Variants in ZNF805 observed in about 807,000 individuals in gnomAD.
ZNF805 encodes the protein CTC-444N24.8.
In ZNF805, 7 loss-of-function variants were observed where a neutral mutation model predicts 13.6. The ratio of observed to expected loss-of-function variants is 0.51; its 90% CI spans 0.29 to 0.97. ZNF805 has a LOEUF of 0.97. Among genes scored for constraint, ZNF805 ranks in the 50% least tolerant of loss-of-function variants. The probability of loss-of-function intolerance (pLI) is 0.08; values close to 1 mark genes in which losing one functional copy is unlikely to be tolerated. For missense variants in ZNF805, 604 were observed against 771.0 expected (o/e 0.78, Z 2.57); for synonymous variants, 293 against 279.8 (o/e 1.05, Z -0.47).
intron 2 of ZNF805, among the ~76,000 whole-genome samples, chr19:57,248,006 G>A (rs574809138): frequency 3.9e-5 from 6 of 152,254 alleles, no homozygotes; most frequent in South Asian, 4.1e-4. Flanking sequence ...CAGGAATTCA[G>A]GACTAGCCTG....
At position 57,249,911 on chromosome 19, in the gene ZNF805, T is replaced by G. The variant is rs965222785; in HGVS notation, c.253+1211T>G. On this transcript the variant is annotated intron_variant, in intron 3 of 3. Coordinates refer to ENST00000414468, the MANE Select transcript of ZNF805 (RefSeq NM_001023563.4). The stretch of plus-strand genomic sequence containing the variant: ...AGCTGCTCATCCAACCCTGAGTGTC[T>G]GTGCAGTCCCTGTTCAGCCCTTCAG... 1.2e-4 allele frequency among the ~76,000 whole-genome samples: 18 copies of G among 151,280 alleles called. 1 individual carries two copies. Among genetic ancestry groups the G allele is most frequent in the South Asian group, 4.2e-4 (2 of 4,732 alleles).
intron 2 of ZNF805, 21 bp downstream of exon 2, chr19:57,244,070 C>T (rs757284492): frequency 5.6e-6 from 9 of 1,609,072 alleles, no homozygotes; most frequent in Non-Finnish European, 6.8e-6. Flanking sequence ...CCCCCTCCAC[C>T]ATGCAGGGGA....
chr19:57,250,994 A>T (rs961221639), intron 3 of ZNF805, among the ~76,000 whole-genome samples: 1 of 152,214 alleles, frequency 6.6e-6, no homozygotes, highest in African/African-American at 2.4e-5. Context: ...AGAAAATTCA[A>T]CAATTCAGTG....
At chr19:57,247,697 C>A (rs1040265398) in intron 2 of ZNF805, among the ~76,000 whole-genome samples, 1 of 152,210 alleles carries the variant, frequency 6.6e-6, no homozygotes, top group African/African-American at 2.4e-5. Flanking sequence ...ATGCCTTGAC[C>A]TGGCACTTTC....
Position 57,253,927 on chromosome 19 carries a change from C to G in ZNF805, c.1108C>G (p.Pro370Ala). 1.2e-6 allele frequency: 2 copies of G among 1,614,188 alleles called. No homozygotes were observed. Among genetic ancestry groups the G allele is most frequent in the South Asian group, 2.2e-5 (2 of 91,082 alleles). Residue 370 changes from proline to alanine, a missense_variant, in exon 4 of 4, where the codon CCC (proline) becomes GCC (alanine). Pro to Ala is a conservative substitution (Grantham distance 27). This residue lies in a region of ZNF805 where 228 missense variants were observed against 352.8 expected (regional missense o/e 0.65). Coordinates refer to ENST00000414468, the MANE Select transcript of ZNF805 (RefSeq NM_001023563.4). This position sits in a 1 kb window ranked among gnomAD's most constrained non-coding sequence, Gnocchi z 4.4. ...WHQQTHTGEK[P>A]YECSECGKAF... is the part of the protein sequence containing the mutation. ...CCAGCAGACTCATACCGGGGAGAAG[C>G]CCTATGAGTGCAGTGAATGTGGGAA...
At position 57,259,346 on chromosome 19, in the gene ZNF805, A is replaced by G. The variant is rs959584157; in HGVS notation, c.*4643A>G. On this transcript the variant is annotated 3_prime_UTR_variant, in exon 4 of 4. Coordinates refer to ENST00000414468, the MANE Select transcript of ZNF805 (RefSeq NM_001023563.4). Reference sequence around the variant, plus strand: ...CATGTTTACCCCCTTTTTCTGGTCTATTTTTCCCTTTTTTTCATATTGGTT... The same window carrying G: ...CATGTTTACCCCCTTTTTCTGGTCTGTTTTTCCCTTTTTTTCATATTGGTT... Among the ~76,000 whole-genome samples, 7 of 143,294 alleles carry G rather than the reference A, an allele frequency of 4.9e-5. No homozygotes were observed. Among genetic ancestry groups the G allele is most frequent in the South Asian group, 2.3e-4 (1 of 4,436 alleles). 94.0% of individuals were successfully genotyped at this position (143,294 alleles called of 152,430 possible). A position where few individuals can be genotyped will look rare whatever the true frequency, so the allele number is the denominator to read the frequency against.
At position 57,245,102 on chromosome 19, in the gene ZNF805, G is replaced by A. The variant is rs139001346; in HGVS notation, c.157+1053G>A. Among the ~76,000 whole-genome samples the A allele has an allele frequency of 1.8e-3, 280 of 152,242 alleles. 1 individual carries two copies. Among genetic ancestry groups the A allele is most frequent in the Non-Finnish European group, 3.2e-3 (219 of 68,014 alleles). The stretch of plus-strand genomic sequence containing the variant: ...GGCCCCAAGGAGACATTGACCTTCC[G>A]TCCCACCAGGTGTTATTCTAAACAA... On this transcript the variant is annotated intron_variant, in intron 2 of 3. Coordinates refer to ENST00000414468, the MANE Select transcript of ZNF805 (RefSeq NM_001023563.4).
rs780782444 is a variant in ZNF805, at chr19:57,255,042, C to G, written c.*339C>G. ...CAATGTCTTTGTTCTACAACATTGTCTCTTCTTAAGAAGCATTGTTTTTAT... is the reference window on the plus strand; with the variant it reads ...CAATGTCTTTGTTCTACAACATTGTGTCTTCTTAAGAAGCATTGTTTTTAT... On this transcript the variant is annotated 3_prime_UTR_variant, in exon 4 of 4. Coordinates refer to ENST00000414468, the MANE Select transcript of ZNF805 (RefSeq NM_001023563.4). 4.7e-6 allele frequency: 1 copy of G among 214,230 alleles called. No homozygotes were observed. The highest frequency in any genetic ancestry group is 1.5e-4 in the South Asian group (1 of 6,824). The allele number at this position is 214,230 out of a possible 1,614,324, so 13.3% of individuals were successfully genotyped here.
chr19:57,243,307 C>T (rs1267865951), intron 1 of ZNF805, among the ~76,000 whole-genome samples: 2 of 151,936 alleles, frequency 1.3e-5, no homozygotes, highest in Admixed American at 1.3e-4. Flanking sequence ...AGGTGATTGG[C>T]GGTGGTGTTT....
chr19:57,262,363 AGTC>A lies in ZNF805; in HGVS notation c.*7661_*7663del, dbSNP rs879063517. 3.0e-4 allele frequency: 50 copies of A among 166,152 alleles called. No homozygotes were observed. Among genetic ancestry groups the A allele is most frequent in the Middle Eastern group, 6.8e-3 (2 of 296 alleles). The allele number at this position is 166,152 out of a possible 1,614,324, so 10.3% of individuals were successfully genotyped here. Reference sequence around the variant, plus strand: ...CATTGTAACCAAGAAAAAAAAAAAAAGTCAGAGTCACAGTGAAAATACTTAACA... The same window carrying A: ...CATTGTAACCAAGAAAAAAAAAAAAAAGAGTCACAGTGAAAATACTTAACA... On this transcript the variant is annotated 3_prime_UTR_variant, in exon 4 of 4. Transcript: ENST00000414468.
chr19:57,248,622 C>G lies in ZNF805; in HGVS notation c.175C>G (p.Pro59Ala), dbSNP rs890766308. ...ATAAACAGGGTGTCCTGTTCCCAGACCTGAGCTGATCTACCACCTAGAGCA... is the reference window on the plus strand; with the variant it reads ...ATAAACAGGGTGTCCTGTTCCCAGAGCTGAGCTGATCTACCACCTAGAGCA... ...LVSLGCPVPR[P>A]ELIYHLEHGQ... The change falls in exon 3 of 4, where the codon CCT becomes GCT. Residue 59 changes from proline to alanine, a missense_variant. By Grantham distance (27) the Pro-to-Ala change is conservative. This residue lies in a region of ZNF805 where 327 missense variants were observed against 378.2 expected (regional missense o/e 0.86). Transcript: ENST00000414468. 9 of 1,595,798 alleles carry G rather than the reference C, an allele frequency of 5.6e-6. No individual in the cohort carries two copies. The African/African-American group carries it at 6.7e-5, about 12-fold the overall frequency.
At chr19:57,249,420 AAAG>A (rs1476861095) in intron 3 of ZNF805, among the ~76,000 whole-genome samples, 2 of 152,236 alleles carry the variant, frequency 1.3e-5, no homozygotes, top group Admixed American at 1.3e-4. Context: ...AAAAAACAAA[AAAG>A]AAAAACATTA....
Position 57,240,804 on chromosome 19 carries a change from C to G in ZNF805, c.-88C>G. 4 of 1,312,810 alleles carry G rather than the reference C, an allele frequency of 3.0e-6. No individual in the cohort carries two copies. The highest frequency in any genetic ancestry group is 4.2e-6 in the Non-Finnish European group (4 of 963,586). The allele number at this position is 1,312,810 out of a possible 1,614,324, so 81.3% of individuals were successfully genotyped here. ...TGTCAGCCAAGGTCACCGGGCCCGGCGCAGGGAAGGGGTGGGGCTCGGCTG... is the reference window on the plus strand; with the variant it reads ...TGTCAGCCAAGGTCACCGGGCCCGGGGCAGGGAAGGGGTGGGGCTCGGCTG... On this transcript the variant is annotated 5_prime_UTR_variant, in exon 1 of 4. Coordinates refer to ENST00000414468, the MANE Select transcript of ZNF805 (RefSeq NM_001023563.4).
In ZNF805 at chr19:57,253,644, C is replaced by A; in HGVS notation, c.825C>A (p.Thr275=). 1 of 1,612,706 alleles carries A rather than the reference C, an allele frequency of 6.2e-7. No individual in the cohort carries two copies. The change falls in exon 4 of 4, where the codon ACC becomes ACA. Residue 275 remains threonine, a synonymous_variant. Transcript: ENST00000414468. This position sits in a 1 kb window ranked among gnomAD's most constrained non-coding sequence, Gnocchi z 4.4. ...CTTTTAATCGGAAGTCACACCTTACCCAGCACCAGCGGATTCACAGTGGAG... is the reference window on the plus strand; with the variant it reads ...CTTTTAATCGGAAGTCACACCTTACACAGCACCAGCGGATTCACAGTGGAG... ...GKAFNRKSHL[T]QHQRIHSGEK... is the part of the protein sequence containing the mutation.
In ZNF805 at chr19:57,262,329, C is replaced by A. The variant is rs2087729309; in HGVS notation, c.*7626C>A. ...TAGCTTTGAGATGAAGGCTTATATA[C>A]GTGTAAACCATTGTAACCAAGAAAA... On this transcript the variant is annotated 3_prime_UTR_variant, in exon 4 of 4. Transcript: ENST00000414468. 1 of 162,660 alleles carries A rather than the reference C, an allele frequency of 6.1e-6. No individual in the cohort carries two copies. The highest frequency in any genetic ancestry group is 1.5e-5 in the Non-Finnish European group (1 of 67,400). 10.1% of individuals were successfully genotyped at this position (162,660 alleles called of 1,614,324 possible).
chr19:57,248,820 T>A, intron 3 of ZNF805, 120 bp downstream of exon 3: 1 of 926,094 alleles, frequency 1.1e-6, no homozygotes, highest in Non-Finnish European at 1.7e-6. Context: ...TTTGGGAGCC[T>A]TGGAGCCCTT....
Position 57,254,607 on chromosome 19 carries a change from T to A in ZNF805, c.1788T>A (p.Asn596Lys). The change falls in exon 4 of 4, where the codon AAT becomes AAA. Residue 596 changes from asparagine to lysine, a missense_variant. Transcript: ENST00000414468. ...QELLLGKNFL[N>K]VTTEENLLQE... ...TTTTATTGGGGAAAAACTTTTTGAA[T>A]GTCACCACTGAGGAAAATCTTTTGC... 2 of 1,614,076 alleles carry A rather than the reference T, an allele frequency of 1.2e-6. No homozygotes were observed. The highest frequency in any genetic ancestry group is 2.2e-5 in the South Asian group (2 of 91,078).
intron 3 of ZNF805, among the ~76,000 whole-genome samples, chr19:57,249,247 C>T (rs1294196181): frequency 6.6e-6 from 1 of 152,136 alleles, no homozygotes; most frequent in African/African-American, 2.4e-5. Flanking sequence ...CCCCTCACAT[C>T]TCACCCATGG....
At chr19:57,242,951 G>T (rs1017369160) in intron 1 of ZNF805, among the ~76,000 whole-genome samples, 2 of 152,098 alleles carry the variant, frequency 1.3e-5, no homozygotes, top group African/African-American at 4.8e-5. Flanking sequence ...GCTGAACTTG[G>T]TGCTCACACC....
Sources: allele counts gnomAD v4.1 joint callset (sites outside exome capture counted in the v4.1 genomes callset), GRCh38; gene constraint gnomAD v4.1.1; regional missense constraint gnomAD v4.1.1; non-coding constraint Gnocchi (gnomAD v3.1); transcripts MANE v1.5; gene names NCBI Gene and HGNC (gene_info 2026-07-23, HGNC 2026-07-21).